ZNF653: variants seen among roughly 807,000 people sequenced by gnomAD.
ZNF653 encodes zinc finger protein 653, also known as 67 kDa zinc finger protein.
In ZNF653, 37 loss-of-function variants were observed where a neutral mutation model predicts 59.9. The observed-to-expected ratio is 0.62, with a 90% confidence interval of 0.48 to 0.81. ZNF653 has a LOEUF of 0.81. Among genes scored for constraint, ZNF653 ranks in the 40% least tolerant of loss-of-function variants. The pLI is 0.00. For synonymous variants in ZNF653, 435 were observed against 371.8 expected, an observed-to-expected ratio of 1.17 and a Z score of -1.96; for missense variants, 808 against 881.1, an observed-to-expected ratio of 0.92 and a Z score of 1.05.
At chr19:11,501,282 G>A (rs1278394355) in intron 1 of ZNF653, among the ~76,000 whole-genome samples, 1 of 150,678 alleles carries the variant, frequency 6.6e-6, no homozygotes, top group Admixed American at 6.7e-5. Context: ...GGGCTCAACC[G>A]ATCCTCTTGC....
At position 11,496,133 on chromosome 19, in the gene ZNF653, C is replaced by T. The variant is rs1287728902; in HGVS notation, c.376G>A (p.Val126Met). 7 of 1,614,004 alleles carry T rather than the reference C, an allele frequency of 4.3e-6. No homozygotes were observed. In the Admixed American group the frequency reaches 5.0e-5, roughly 12 times the overall value. ...RRRNVNCLKN[V>M]VIWYEDHKHR... Reference sequence around the variant, plus strand: ...TTGTGGTCCTCGTACCAGATCACCACGTTCTTCAGGCAGTTCACGTTGCGT... The same window carrying T: ...TTGTGGTCCTCGTACCAGATCACCATGTTCTTCAGGCAGTTCACGTTGCGT... The change falls in exon 3 of 9, where the codon GTG (valine) becomes ATG (methionine). Residue 126 changes from valine (V) to methionine (M), a missense_variant. Transcript: ENST00000293771.
chr19:11,487,671 G>C lies in ZNF653; in HGVS notation c.792C>G (p.Asn264Lys). ...GGGCTTCAGGCCCATTGCCTGCTGG[G>C]TTGGAGCACAGCGGGGTACCCTGCT... ...LAEQGTPLCSNPAGNGPEALE... is the reference protein window; with the variant it reads ...LAEQGTPLCSKPAGNGPEALE... Residue 264 changes from asparagine (N) to lysine (K), a missense_variant, in exon 4 of 9, where the codon AAC (asparagine) becomes AAG (lysine). Coordinates refer to ENST00000293771, the MANE Select transcript of ZNF653 (RefSeq NM_138783.4). The surrounding 1 kb of genome is among the most constrained non-coding windows in gnomAD (Gnocchi z 5.1). The C allele has an allele frequency of 6.2e-7, 1 of 1,613,882 alleles. No individual in the cohort carries two copies. The highest frequency in any genetic ancestry group is 8.5e-7 in the Non-Finnish European group (1 of 1,179,972).
intron 3 of ZNF653, among the ~76,000 whole-genome samples, chr19:11,491,089 C>A (rs1187222535): frequency 1.3e-5 from 2 of 152,336 alleles, no homozygotes; most frequent in Non-Finnish European, 2.9e-5. Context: ...CCCCACCGGC[C>A]CCCTGCCAGG....
In ZNF653 at chr19:11,484,050, G is replaced by T. The variant is rs1216922521; in HGVS notation, c.1662C>A (p.Thr554=). ...GGCGGCCTGTCACTCACTGCAGGGG[G>T]GTCTCGCCGGTGTGGGTGCGCCGAT... ...EVHRRTHTGE[T]PLQCEICGYQ... Residue 554 remains threonine, a synonymous_variant, in exon 8 of 9, where the codon ACC becomes ACA. Coordinates refer to ENST00000293771, the MANE Select transcript of ZNF653 (RefSeq NM_138783.4). 6 of 1,556,254 alleles carry T rather than the reference G, an allele frequency of 3.9e-6. No homozygotes were observed. The highest frequency in any genetic ancestry group is 1.9e-5 in the Admixed American group (1 of 51,672).
At chr19:11,493,678 A>T (rs1599564477) in intron 3 of ZNF653, among the ~76,000 whole-genome samples, 2 of 152,204 alleles carry the variant, frequency 1.3e-5, no homozygotes, top group South Asian at 4.1e-4. Flanking sequence ...GCACCTGCTA[A>T]GTTTGGCTGA....
At chr19:11,491,984 C>G (rs1971534664) in intron 3 of ZNF653, among the ~76,000 whole-genome samples, 1 of 152,114 alleles carries the variant, frequency 6.6e-6, no homozygotes, top group Non-Finnish European at 1.5e-5. Context: ...CATTCTGTCT[C>G]AAATAGTTCC....
In ZNF653 at chr19:11,495,946, C is replaced by T. The variant is rs1385775713; in HGVS notation, c.559+4G>A. On this transcript the variant is annotated splice_donor_region_variant and intron_variant, in intron 3 of 8. Transcript: ENST00000293771. This position sits in a 1 kb window ranked among gnomAD's most constrained non-coding sequence, Gnocchi z 4.9. The stretch of plus-strand genomic sequence containing the variant: ...CCCTATGTGCCCTCGCCCTGCAGAC[C>T]TACCTTTGTCACTGTCAGGGTCTGA... The T allele has an allele frequency of 1.2e-6, 2 of 1,613,700 alleles. No individual in the cohort carries two copies. The highest frequency in any genetic ancestry group is 1.1e-5 in the South Asian group (1 of 91,006).
chr19:11,502,501 C>T (rs1312220248), intron 1 of ZNF653, among the ~76,000 whole-genome samples: 6 of 152,136 alleles, frequency 3.9e-5, no homozygotes, highest in Admixed American at 3.9e-4. Context: ...ATGTGTACCC[C>T]ATCCATTCTT....
chr19:11,497,069 C>G (rs1971596199), intron 2 of ZNF653, among the ~76,000 whole-genome samples: 1 of 152,208 alleles, frequency 6.6e-6, no homozygotes, highest in South Asian at 2.1e-4. Context: ...CTTGCTCCCT[C>G]CCCACTTCAC....
At chr19:11,501,652 G>T (rs909428103) in intron 1 of ZNF653, among the ~76,000 whole-genome samples, 1 of 152,160 alleles carries the variant, frequency 6.6e-6, no homozygotes, top group Non-Finnish European at 1.5e-5. Flanking sequence ...GGACATGGCA[G>T]ACACTTCCTT....
At position 11,485,726 on chromosome 19, in the gene ZNF653, G is replaced by A; in HGVS notation, c.1500C>T (p.Cys500=). Residue 500 remains cysteine, a synonymous_variant, in exon 7 of 9, where the codon TGC becomes TGT. Transcript: ENST00000293771. Reference sequence around the variant, plus strand: ...ACTTCTTGCCACAGCCAGGATGAGGGCACACTTTGGTCTTTCCTTTCCGAT... The same window carrying A: ...ACTTCTTGCCACAGCCAGGATGAGGACACACTTTGGTCTTTCCTTTCCGAT... ...LVHRKGKTKV[C]PHPGCGKKFY... is the part of the protein sequence containing the mutation. 1 of 1,614,042 alleles carries A rather than the reference G, an allele frequency of 6.2e-7. No individual in the cohort carries two copies. Among genetic ancestry groups the A allele is most frequent in the South Asian group, 1.1e-5 (1 of 91,084 alleles).
At chr19:11,504,127 C>T (rs1169607307) in intron 1 of ZNF653, among the ~76,000 whole-genome samples, 2 of 152,036 alleles carry the variant, frequency 1.3e-5, no homozygotes, top group African/African-American at 2.4e-5. Context: ...GAGGGCCGGG[C>T]GCGGTGGCTC....
In ZNF653 at chr19:11,484,587, T is replaced by C. The variant is rs531533948; in HGVS notation, c.1571-446A>G. On this transcript the variant is annotated intron_variant, in intron 7 of 8. Transcript: ENST00000293771. ...CAACCATGCCCAGCTAATTTTGTATTTTTAGTAGAGACGGGGTTTCTCTAT... is the reference window on the plus strand; with the variant it reads ...CAACCATGCCCAGCTAATTTTGTATCTTTAGTAGAGACGGGGTTTCTCTAT... Among the ~76,000 whole-genome samples the C allele has an allele frequency of 5.9e-4, 89 of 151,950 alleles. No homozygotes were observed. In the Middle Eastern group the frequency reaches 0.02, roughly 35 times the overall value.
At chr19:11,498,411 A>G (rs1191183164) in intron 1 of ZNF653, 72 bp from the exon 2 acceptor site, 1 of 1,597,132 alleles carries the variant, frequency 6.3e-7, no homozygotes, top group Non-Finnish European at 8.6e-7. Context: ...GAGTAACAAC[A>G]GTGGCTAGAG....
chr19:11,503,941 C>CA (rs1282941488), intron 1 of ZNF653, among the ~76,000 whole-genome samples: 1 of 151,948 alleles, frequency 6.6e-6, no homozygotes, highest in Non-Finnish European at 1.5e-5. Flanking sequence ...TCTGTCTCTA[C>CA]AAAAAATACA....
intron 1 of ZNF653, chr19:11,500,535 T>G (rs1310254344): frequency 6.6e-6 from 1 of 152,342 alleles, no homozygotes; most frequent in Non-Finnish European, 1.5e-5. Context: ...GATTTCGCTA[T>G]GTTGGCCAGA....
intron 2 of ZNF653, among the ~76,000 whole-genome samples, chr19:11,497,867 G>A (rs928865077): frequency 6.6e-6 from 1 of 152,168 alleles, no homozygotes; most frequent in African/African-American, 2.4e-5. Context: ...AGAAGGGAGG[G>A]GCTCACTGCC....
intron 1 of ZNF653, among the ~76,000 whole-genome samples, chr19:11,501,999 T>C (rs938113698): frequency 6.6e-6 from 1 of 152,056 alleles, no homozygotes; most frequent in Admixed American, 6.6e-5. Flanking sequence ...TTCAATATGC[T>C]GGCCAGGCTG....
Position 11,497,182 on chromosome 19 carries a change from TG to T in ZNF653, c.344-1018del, listed in dbSNP as rs568424145. On this transcript the variant is annotated intron_variant, in intron 2 of 8. Transcript: ENST00000293771. ...CTGTTTTCTCCAGGTAGTACCTAGA[TG>T]CCATCTGTGGCCATTTGTTTACATG... 2.9e-4 allele frequency among the ~76,000 whole-genome samples: 44 copies of T among 152,376 alleles called. 1 individual carries two copies. The highest frequency in any genetic ancestry group is 9.1e-4 in the Admixed American group (14 of 15,302).
Sources: gnomAD v4.1 joint callset for allele counts (sites outside exome capture counted in the v4.1 genomes callset) on GRCh38, gnomAD v4.1.1 for gene constraint, Gnocchi (gnomAD v3.1) non-coding constraint, MANE v1.5 for transcripts, NCBI Gene and HGNC (gene_info 2026-07-23, HGNC 2026-07-21) for gene names.